SVOP: variants seen among roughly 807,000 people sequenced by gnomAD.
The protein encoded by SVOP is synaptic vesicle 2-related protein.
In SVOP, 17 loss-of-function variants were observed where a neutral mutation model predicts 69.1. That is an observed-to-expected ratio of 0.25 (90% CI 0.17 to 0.37). SVOP has a LOEUF of 0.37. Ranked by LOEUF, SVOP falls within the 10% of genes least tolerant of loss-of-function variation. The pLI is 1.00. For missense variants in SVOP, 435 were observed against 597.5 expected (o/e 0.73, Z 2.84); for synonymous variants, 238 against 238.6 (o/e 1.00, Z 0.02).
intron 1 of SVOP, among the ~76,000 whole-genome samples, chr12:109,019,644 A>G (rs118123377): frequency 0.014 from 2,116 of 152,322 alleles, 30 homozygotes; most frequent in Middle Eastern, 0.041. Flanking sequence ...TTATTACTGA[A>G]CATCCTCTAG....
intron 14 of SVOP, 95 bp from the exon 15 acceptor site, chr12:108,915,967 G>A (rs951713739): frequency 4.0e-5 from 48 of 1,205,842 alleles, no homozygotes; most frequent in Middle Eastern, 2.5e-4. Flanking sequence ...GGGGCAGGCC[G>A]GAAGTCAGGG....
intron 1 of SVOP, among the ~76,000 whole-genome samples, chr12:109,001,796 A>G (rs1338480559): frequency 6.6e-6 from 1 of 151,946 alleles, no homozygotes; most frequent in East Asian, 1.9e-4. Context: ...TACACCTTAT[A>G]CAAAAATCAA....
Position 108,954,608 on chromosome 12 carries a change from G to A in SVOP, c.578+6315C>T, listed in dbSNP as rs148314529. On this transcript the variant is annotated intron_variant, in intron 6 of 15. Transcript: ENST00000610966. ...AGTCCCGCCCCTTTGCTGTTTTGGG[G>A]TGTGATTTTCTCTGTTCCAGCTACT... 1.8e-3 allele frequency among the ~76,000 whole-genome samples: 269 copies of A among 152,256 alleles called. 1 individual carries two copies. The highest frequency in any genetic ancestry group is 6.2e-3 in the African/African-American group (257 of 41,536).
chr12:108,987,634 A>G (rs1306105537), intron 1 of SVOP, among the ~76,000 whole-genome samples: 1 of 152,194 alleles, frequency 6.6e-6, no homozygotes, highest in African/African-American at 2.4e-5. Flanking sequence ...GATAACAGCC[A>G]TCCTAATGGG....
chr12:108,924,394 C>T (rs969960294), intron 11 of SVOP, among the ~76,000 whole-genome samples: 1 of 152,188 alleles, frequency 6.6e-6, no homozygotes, highest in African/African-American at 2.4e-5. Flanking sequence ...AGTTGCTCCA[C>T]CTACACTTTC....
intron 5 of SVOP, 131 bp from the exon 6 acceptor site, chr12:108,961,178 CCTCTGTATGGGGAGTGCCAACCCA>C (rs2040016030): frequency 8.4e-7 from 1 of 1,187,286 alleles, no homozygotes; most frequent in South Asian, 2.0e-5. Flanking sequence ...GTACTGGGTT[CCTCTGTATGGGGAGTGCCAACCCA>C]CAGGGGTTGG....
intron 7 of SVOP, among the ~76,000 whole-genome samples, chr12:108,942,258 C>T (rs891761264): frequency 2.6e-5 from 4 of 152,186 alleles, no homozygotes; most frequent in African/African-American, 9.7e-5. Context: ...GACAGACACT[C>T]GGGTTGCTTC....
At chr12:108,921,996 C>G (rs148750165) in intron 12 of SVOP, among the ~76,000 whole-genome samples, 42 of 152,182 alleles carry the variant, frequency 2.8e-4, no homozygotes, top group Non-Finnish European at 4.4e-5. Context: ...CTTTGCATCA[C>G]GTGCAGGTTT....
intron 5 of SVOP, among the ~76,000 whole-genome samples, chr12:108,963,191 G>C (rs2040026730): frequency 6.6e-6 from 1 of 152,138 alleles, no homozygotes; most frequent in African/African-American, 2.4e-5. Context: ...AGCTCCAAGG[G>C]TGAGTTCACC....
chr12:108,927,589 C>CTT (rs10679632), intron 11 of SVOP, among the ~76,000 whole-genome samples: 16,459 of 130,872 alleles, frequency 0.13, 1,617 homozygotes, highest in Admixed American at 0.25. Flanking sequence ...CTCTCTCTCT[C>CTT]TTTTTTTTTT....
chr12:108,965,780 G>T (rs1408158334), intron 5 of SVOP, among the ~76,000 whole-genome samples: 3 of 152,122 alleles, frequency 2.0e-5, no homozygotes, highest in South Asian at 4.1e-4. Context: ...GGTCGAGGAG[G>T]CCCAAGGATC....
intron 11 of SVOP, among the ~76,000 whole-genome samples, chr12:108,928,093 T>C (rs927327265): frequency 6.6e-6 from 1 of 151,262 alleles, no homozygotes; most frequent in African/African-American, 2.4e-5. Context: ...TTAGTAGAGA[T>C]GAGTTTCACC....
intron 1 of SVOP, among the ~76,000 whole-genome samples, chr12:109,010,806 C>G (rs1047704776): frequency 6.6e-6 from 1 of 151,924 alleles, no homozygotes; most frequent in African/African-American, 2.4e-5. Context: ...CTGGCCCAAA[C>G]TGTTCCCCTT....
At chr12:109,020,540 A>C (rs1439106166) in intron 1 of SVOP, among the ~76,000 whole-genome samples, 1 of 152,210 alleles carries the variant, frequency 6.6e-6, no homozygotes, top group African/African-American at 2.4e-5. Flanking sequence ...CTTAAAGCTC[A>C]CATCTGAAAA....
At chr12:108,928,621 C>T (rs987447782) in intron 11 of SVOP, among the ~76,000 whole-genome samples, 3 of 149,714 alleles carry the variant, frequency 2.0e-5, no homozygotes, top group Non-Finnish European at 4.4e-5. Context: ...GGCTGGAATG[C>T]AGTGGTACAA....
intron 4 of SVOP, among the ~76,000 whole-genome samples, chr12:108,973,846 C>T (rs1170693798): frequency 6.6e-6 from 1 of 152,214 alleles, no homozygotes; most frequent in East Asian, 1.9e-4. Flanking sequence ...CTGACCAAGG[C>T]ATTGCTTTTC....
At chr12:108,978,433 T>C in intron 3 of SVOP, 145 bp downstream of exon 3, 1 of 584,858 alleles carries the variant, frequency 1.7e-6, no homozygotes, top group Non-Finnish European at 3.0e-6. Flanking sequence ...CACCACTTAT[T>C]ACGCCACATA....
intron 1 of SVOP, among the ~76,000 whole-genome samples, chr12:108,993,575 A>G (rs145032330): frequency 1.2e-3 from 178 of 152,306 alleles, no homozygotes; most frequent in African/African-American, 4.2e-3. Flanking sequence ...TAAGAATTTT[A>G]AAAAGAAAAA....
chr12:108,982,752 TCATCACTATCATCAACATCACCAC>T (rs1271821056), intron 2 of SVOP, among the ~76,000 whole-genome samples: 2 of 150,698 alleles, frequency 1.3e-5, no homozygotes, highest in Non-Finnish European at 3.0e-5. Flanking sequence ...ACCATCATCA[TCATCACTATCATCAACATCACCAC>T]CATCATCATC....
Sources: gnomAD v4.1 joint callset for allele counts (sites outside exome capture counted in the v4.1 genomes callset) on GRCh38, gnomAD v4.1.1 for gene constraint, MANE v1.5 for transcripts, NCBI Gene and HGNC (gene_info 2026-07-23, HGNC 2026-07-21) for gene names.